Variants in NPEPPS observed in about 807,000 individuals in gnomAD.
NPEPPS encodes the protein aminopeptidase puromycin sensitive.
NPEPPS carries 14 observed loss-of-function variants against 115.5 expected under a neutral mutation model. The observed-to-expected ratio is 0.12, with a 90% CI of 0.08 to 0.19. NPEPPS has a LOEUF of 0.19. Ranked by LOEUF, NPEPPS falls within the 10% of genes least tolerant of loss-of-function variation. The pLI, the probability that NPEPPS is intolerant of heterozygous loss-of-function variation, is 1.00. For missense variants in NPEPPS, 523 were observed against 1,110.8 expected (o/e 0.47, Z 7.52); for synonymous variants, 285 against 390.6 (o/e 0.73, Z 3.19).
rs186198335 is a variant in NPEPPS at position 47,617,031 on chromosome 17, A to G, written c.2296-1319A>G. 7.2e-5 allele frequency among the ~76,000 whole-genome samples: 11 copies of G among 152,278 alleles called. No homozygotes were observed. The East Asian group carries it at 2.1e-3, about 29-fold the overall frequency. On this transcript the variant is annotated intron_variant, in intron 19 of 22. Coordinates refer to ENST00000322157, the MANE Select transcript of NPEPPS (RefSeq NM_006310.4). ...TATAGTTCTAATTTTTAAGAATTAC[A>G]ACATTTTGTTTCTATGAAAAGATTT...
chr17:47,529,326 C>T (rs1294096307), upstream of NPEPPS, among the ~76,000 whole-genome samples: 1 of 151,738 alleles, frequency 6.6e-6, no homozygotes, highest in African/African-American at 2.4e-5. Context: ...CTCCATCCAC[C>T]TCCTGGGCTC....
At chr17:47,620,007 T>A (rs1394608360) in intron 22 of NPEPPS, 1 of 418,956 alleles carries the variant, frequency 2.4e-6, no homozygotes, top group East Asian at 4.7e-5. Flanking sequence ...CCGAGGTGGG[T>A]GGATCACCTG....
At chr17:47,618,487 G>A (rs377310146) in intron 20 of NPEPPS, 30 bp downstream of exon 20, 26 of 1,424,810 alleles carry the variant, frequency 1.8e-5, no homozygotes, top group African/African-American at 1.4e-5. Flanking sequence ...GCATTTAGAA[G>A]TGAATCGTTA....
chr17:47,599,795 C>A, intron 14 of NPEPPS, 56 bp downstream of exon 14: 1 of 1,341,836 alleles, frequency 7.5e-7, no homozygotes, highest in Non-Finnish European at 1.0e-6. Context: ...TTAACTAATA[C>A]CAGTAGTATT....
At chr17:47,618,550 A>T (rs1014905954) in intron 20 of NPEPPS, 93 bp downstream of exon 20, 2 of 798,852 alleles carry the variant, frequency 2.5e-6, no homozygotes, top group Admixed American at 2.7e-5. Context: ...GAGCTGCCTT[A>T]ACCCTAACTA....
At chr17:47,604,117 G>A in intron 16 of NPEPPS, 68 bp downstream of exon 16, 1 of 1,480,996 alleles carries the variant, frequency 6.8e-7, no homozygotes, top group South Asian at 1.3e-5. Flanking sequence ...TTCCTGGAGT[G>A]TCTGAAACAT....
intron 2 of NPEPPS, among the ~76,000 whole-genome samples, chr17:47,560,885 T>C (rs1276615118): frequency 6.6e-5 from 10 of 152,226 alleles, no homozygotes; most frequent in Admixed American, 6.5e-4. Flanking sequence ...ATATGTGGGC[T>C]ATATAGAATT....
At chr17:47,529,918 TTTTATTTA>T (rs200538359), upstream of NPEPPS, among the ~76,000 whole-genome samples, 279 of 58,434 alleles carry the variant, frequency 4.8e-3, 8 homozygotes, top group African/African-American at 0.01. Context: ...AAACATCCCA[TTTTATTTA>T]TTTATTTATT....
intron 12 of NPEPPS, chr17:47,592,814 G>A (rs2317818): frequency 5.5e-5 from 18 of 329,358 alleles, no homozygotes; most frequent in Middle Eastern, 1.1e-3. Context: ...GGTTTGTTAC[G>A]TCAGTATACA....
At chr17:47,538,050 C>T (rs1167102178) in intron 1 of NPEPPS, among the ~76,000 whole-genome samples, 10 of 151,150 alleles carry the variant, frequency 6.6e-5, no homozygotes, top group Admixed American at 1.3e-4. Flanking sequence ...TGCACCACCA[C>T]GCCTGGCTAA....
chr17:47,575,284 C>A (rs1911446409), intron 3 of NPEPPS, among the ~76,000 whole-genome samples: 1 of 152,060 alleles, frequency 6.6e-6, no homozygotes, highest in Non-Finnish European at 1.5e-5. Context: ...ATCACCATGC[C>A]ATACATAATG....
chr17:47,569,040 G>A (rs1286747819), intron 2 of NPEPPS, among the ~76,000 whole-genome samples: 1 of 152,194 alleles, frequency 6.6e-6, no homozygotes, highest in African/African-American at 2.4e-5. Flanking sequence ...ACCTTTCCTT[G>A]ATGTATCTTT....
chr17:47,538,199 G>GTTT (rs1292705804), intron 1 of NPEPPS, among the ~76,000 whole-genome samples: 3 of 72,336 alleles, frequency 4.1e-5, no homozygotes, highest in East Asian at 4.9e-4. Context: ...AGCCATATCT[G>GTTT]TTCTTTTTTT....
At chr17:47,555,297 A>G (rs1389647894) in intron 2 of NPEPPS, among the ~76,000 whole-genome samples, 1 of 151,958 alleles carries the variant, frequency 6.6e-6, no homozygotes, top group East Asian at 1.9e-4. Context: ...CATTAAATGT[A>G]GAGAAAACAC....
Position 47,605,496 on chromosome 17 carries a change from A to G in NPEPPS, c.2039A>G (p.Lys680Arg). The G allele has an allele frequency of 6.2e-7, 1 of 1,603,940 alleles. No individual in the cohort carries two copies. Among genetic ancestry groups the G allele is most frequent in the Non-Finnish European group, 8.5e-7 (1 of 1,174,674 alleles). Residue 680 changes from lysine to arginine, a missense_variant, in exon 17 of 23, where the codon AAA becomes AGA. Physicochemically the swap from Lys to Arg is conservative, Grantham distance 26. Coordinates refer to ENST00000322157, the MANE Select transcript of NPEPPS (RefSeq NM_006310.4). Reference protein sequence around the residue: ...DFYEEIQEFVKDVFSPIGERL... With the variant: ...DFYEEIQEFVRDVFSPIGERL... ...TATGAGGAAATCCAGGAGTTTGTGAAAGATGTCTTTTCACCTATAGGGGAG... is the reference window on the plus strand; with the variant it reads ...TATGAGGAAATCCAGGAGTTTGTGAGAGATGTCTTTTCACCTATAGGGGAG...
chr17:47,537,292 A>G (rs1427411921), intron 1 of NPEPPS, among the ~76,000 whole-genome samples: 1 of 152,254 alleles, frequency 6.6e-6, no homozygotes, highest in Non-Finnish European at 1.5e-5. Context: ...GGAAAGAAGT[A>G]TAACAGTTTT....
chr17:47,568,690 T>C (rs1910991956), intron 2 of NPEPPS, among the ~76,000 whole-genome samples: 1 of 151,624 alleles, frequency 6.6e-6, no homozygotes. Flanking sequence ...AGTTTCTCTG[T>C]TGTTGTTTAG....
chr17:47,585,466 C>A (rs1299783539), intron 5 of NPEPPS, 34 bp from the exon 6 acceptor site: 2 of 1,482,880 alleles, frequency 1.3e-6, no homozygotes, highest in Non-Finnish European at 1.9e-6. Context: ...TAATGTAAAC[C>A]TATTTAAATT....
At chr17:47,568,551 A>G (rs1910981286) in intron 2 of NPEPPS, among the ~76,000 whole-genome samples, 1 of 150,706 alleles carries the variant, frequency 6.6e-6, no homozygotes, top group South Asian at 2.1e-4. Context: ...TAACATGTCC[A>G]AGCATCCTAA....
Sources: gnomAD v4.1 joint callset for allele counts (sites outside exome capture counted in the v4.1 genomes callset) on GRCh38, gnomAD v4.1.1 for gene constraint, MANE v1.5 for transcripts, NCBI Gene and HGNC (gene_info 2026-07-23, HGNC 2026-07-21) for gene names.